Variants in TTR observed in about 807,000 individuals in gnomAD.
TTR encodes epididymis luminal protein 111.
TTR carries 8 observed loss-of-function variants against 13.7 expected under a neutral mutation model. The ratio of observed to expected loss-of-function variants is 0.58; its 90% CI spans 0.34 to 1.05. The LOEUF is 1.05. Among genes scored for constraint, TTR ranks in the 50% least tolerant of loss-of-function variants. The pLI is 0.02. For missense variants in TTR, 135 were observed against 185.5 expected (o/e 0.73, Z 1.58); for synonymous variants, 75 against 71.7 (o/e 1.05, Z -0.23).
chr18:31,595,043 T>C, intron 2 of TTR, 77 bp from the exon 3 acceptor site: 1 of 1,479,058 alleles, frequency 6.8e-7, no homozygotes, highest in Non-Finnish European at 9.4e-7. Flanking sequence ...TGTGTGTTAG[T>C]TGGTGGGGGT....
At chr18:31,594,539 A>G (rs2073505716) in intron 2 of TTR, among the ~76,000 whole-genome samples, 1 of 152,126 alleles carries the variant, frequency 6.6e-6, no homozygotes, top group Non-Finnish European at 1.5e-5. Flanking sequence ...CCAATCATCA[A>G]TCTTGAATCA....
chr18:31,595,660 C>T (rs1278842237), intron 3 of TTR: 2 of 360,108 alleles, frequency 5.6e-6, no homozygotes, highest in Non-Finnish European at 1.1e-5. Context: ...TCTGGCTTCT[C>T]GGAGGTCTGG....
At position 31,591,878 on chromosome 18, in the gene TTR, C is replaced by A; in HGVS notation, c.-25C>A. 6.2e-7 allele frequency: 1 copy of A among 1,613,062 alleles called. No homozygotes were observed. ...AGCCCCAGGCTGGGAGCAGCCATCA[C>A]AGAAGTCCACTCATTCTTGGCAGGA... is the stretch of plus-strand genomic sequence containing the variant. On this transcript the variant is annotated 5_prime_UTR_variant, in exon 1 of 4. Transcript: ENST00000237014.
intron 3 of TTR, among the ~76,000 whole-genome samples, chr18:31,596,698 T>C (rs1477824998): frequency 1.3e-5 from 2 of 149,550 alleles, no homozygotes; most frequent in Admixed American, 6.7e-5. Context: ...GCATTCTATG[T>C]GTGGAACACT....
chr18:31,593,618 G>A (rs1463023925), intron 2 of TTR: 1 of 153,302 alleles, frequency 6.5e-6, no homozygotes, highest in Non-Finnish European at 1.5e-5. Context: ...TGCAAGGCTG[G>A]GGGCTGTCAA....
At position 31,595,240 on chromosome 18, in the gene TTR, C is replaced by A; in HGVS notation, c.321C>A (p.Phe107Leu). 1 of 1,614,160 alleles carries A rather than the reference C, an allele frequency of 6.2e-7. No individual in the cohort carries two copies. Among genetic ancestry groups the A allele is most frequent in the Non-Finnish European group, 8.5e-7 (1 of 1,180,020 alleles). ...SYWKALGISP[F>L]HEHAEVVFTA... ...GGAAGGCACTTGGCATCTCCCCATT[C>A]CATGAGCATGCAGAGGTGAGTATAC... The change falls in exon 3 of 4, where the codon TTC becomes TTA. Residue 107 changes from phenylalanine to leucine, a missense_variant. Phe to Leu is a conservative substitution (Grantham distance 22, BLOSUM62 0). Transcript: ENST00000237014.
In TTR at chr18:31,598,627, C is replaced by A; in HGVS notation, c.396C>A (p.Ser132Arg). ...PRRYTIAALL[S>R]PYSYSTTAVV... Reference sequence around the variant, plus strand: ...GCTACACCATTGCCGCCCTGCTGAGCCCCTACTCCTATTCCACCACGGCTG... The same window carrying A: ...GCTACACCATTGCCGCCCTGCTGAGACCCTACTCCTATTCCACCACGGCTG... The change falls in exon 4 of 4, where the codon AGC (serine) becomes AGA (arginine). Residue 132 changes from serine (S) to arginine (R), a missense_variant. Physicochemically the swap from Ser to Arg is moderately radical, Grantham distance 110 (BLOSUM62 -1). Transcript: ENST00000237014. 6.2e-7 allele frequency: 1 copy of A among 1,614,208 alleles called. No homozygotes were observed. Among genetic ancestry groups the A allele is most frequent in the Non-Finnish European group, 8.5e-7 (1 of 1,180,048 alleles).
intron 3 of TTR, chr18:31,595,887 C>A (rs926034470): frequency 1.8e-4 from 32 of 177,994 alleles, no homozygotes; most frequent in Non-Finnish European, 3.0e-4. Flanking sequence ...ACCAGGAAGT[C>A]AAATAACTTG....
In TTR at chr18:31,594,578, A is replaced by G. The variant is rs544359156; in HGVS notation, c.201-542A>G. 8.5e-5 allele frequency among the ~76,000 whole-genome samples: 13 copies of G among 152,254 alleles called. No individual in the cohort carries two copies. In the East Asian group the frequency reaches 2.1e-3, roughly 25 times the overall value. On this transcript the variant is annotated intron_variant, in intron 2 of 3. Transcript: ENST00000237014. ...GGACTCTTTCTTAAGTAAACATTAT[A>G]CCTGGCCGGGCACGGTGGCTCACGC...
At chr18:31,593,149 G>A (rs2073495528) in intron 2 of TTR, 123 bp downstream of exon 2, 2 of 1,474,626 alleles carry the variant, frequency 1.4e-6, no homozygotes, top group East Asian at 2.4e-5. Flanking sequence ...AACGTAGGCA[G>A]AGGTCAAGTA....
chr18:31,594,077 A>G (rs1242463238), intron 2 of TTR, among the ~76,000 whole-genome samples: 1 of 152,212 alleles, frequency 6.6e-6, no homozygotes, highest in African/African-American at 2.4e-5. Flanking sequence ...GACTATTCTA[A>G]GGGAGAGACA....
At chr18:31,596,910 G>GTGGGCTTCATGCAC (rs2144411919) in intron 3 of TTR, among the ~76,000 whole-genome samples, 2 of 152,110 alleles carry the variant, frequency 1.3e-5, no homozygotes, top group South Asian at 4.2e-4. Context: ...GCTTCATGCA[G>GTGGGCTTCATGCAC]CTTCTTCTGA....
intron 1 of TTR, among the ~76,000 whole-genome samples, chr18:31,592,681 C>T (rs1260105206): frequency 6.6e-6 from 1 of 152,182 alleles, no homozygotes; most frequent in Non-Finnish European, 1.5e-5. Flanking sequence ...TGGTTGATAG[C>T]AGTGTGTCTG....
Position 31,595,131 on chromosome 18 carries a change from A to C in TTR, c.212A>C (p.Glu71Ala), listed in dbSNP as rs1335700058. ...TTCACACCTTATAGGAAAACCAGTG[A>C]GTCTGGAGAGCTGCATGGGCTCACA... ...WEPFASGKTS[E>A]SGELHGLTTE... is the part of the protein sequence containing the mutation. Residue 71 changes from glutamate to alanine, a missense_variant, in exon 3 of 4, where the codon GAG becomes GCG. Coordinates refer to ENST00000237014, the MANE Select transcript of TTR (RefSeq NM_000371.4). 1 of 1,614,018 alleles carries C rather than the reference A, an allele frequency of 6.2e-7. No individual in the cohort carries two copies. Among genetic ancestry groups the C allele is most frequent in the African/African-American group, 1.3e-5 (1 of 74,920 alleles).
At chr18:31,593,145 G>A (rs997085737) in intron 2 of TTR, 119 bp downstream of exon 2, 2 of 1,510,138 alleles carry the variant, frequency 1.3e-6, no homozygotes, top group South Asian at 1.2e-5. Context: ...GAAAAACGTA[G>A]GCAGAGGTCA....
At chr18:31,593,341 A>C in intron 2 of TTR, 2 of 346,118 alleles carry the variant, frequency 5.8e-6, no homozygotes, top group Non-Finnish European at 1.1e-5. Context: ...TAAACATTCT[A>C]TGCCCAGAAA....
chr18:31,598,647 C>T lies in TTR; in HGVS notation c.416C>T (p.Thr139Met), dbSNP rs28933981. ...CTGAGCCCCTACTCCTATTCCACCACGGCTGTCGTCACCAATCCCAAGGAA... is the reference window on the plus strand; with the variant it reads ...CTGAGCCCCTACTCCTATTCCACCATGGCTGTCGTCACCAATCCCAAGGAA... ...ALLSPYSYSTTAVVTNPKE is the reference protein window; with the variant it reads ...ALLSPYSYSTMAVVTNPKE Residue 139 changes from threonine (T) to methionine (M), a missense_variant, in exon 4 of 4, where the codon ACG becomes ATG. Coordinates refer to ENST00000237014, the MANE Select transcript of TTR (RefSeq NM_000371.4). 2.7e-3 allele frequency: 4,364 copies of T among 1,614,166 alleles called. 6 individuals are homozygous for T. Among genetic ancestry groups the T allele is most frequent in the Non-Finnish European group, 3.5e-3 (4,072 of 1,180,020 alleles).
intron 3 of TTR, chr18:31,596,185 T>C (rs1487445844): frequency 1.9e-5 from 3 of 154,456 alleles, no homozygotes; most frequent in Non-Finnish European, 2.9e-5. Flanking sequence ...TCCAGACATG[T>C]TGGTCAGAGT....
intron 2 of TTR, 130 bp downstream of exon 2, chr18:31,593,156 A>C (rs2144407052): frequency 2.2e-6 from 3 of 1,381,880 alleles, no homozygotes; most frequent in Non-Finnish European, 2.0e-6. Flanking sequence ...GCAGAGGTCA[A>C]GTATGCCCTC....
Sources: gnomAD v4.1 joint callset for allele counts (sites outside exome capture counted in the v4.1 genomes callset) on GRCh38, gnomAD v4.1.1 for gene constraint, MANE v1.5 for transcripts, NCBI Gene and HGNC (gene_info 2026-07-23, HGNC 2026-07-21) for gene names.